The following RNF123 variants were observed in gnomAD, a reference collection of about 807,000 sequenced individuals.
The protein encoded by RNF123 is E3 ubiquitin-protein ligase RNF123.
A neutral mutation model predicts 168.5 loss-of-function variants in RNF123; 86 were observed. The observed-to-expected ratio is 0.51, with a 90% CI of 0.43 to 0.61. RNF123 has a LOEUF of 0.61. RNF123 is among the 20% of genes least tolerant of loss of function. The pLI, the probability that RNF123 is intolerant of heterozygous loss-of-function variation, is 0.00. For synonymous variants in RNF123, 666 were observed against 689.1 expected (o/e 0.97, Z 0.52); for missense variants, 1,419 against 1,729.7 (o/e 0.82, Z 3.19).
chr3:49,707,917 TTTTTTTAGTTA>T (rs1245281094), intron 26 of RNF123, among the ~76,000 whole-genome samples: 1 of 152,084 alleles, frequency 6.6e-6, no homozygotes, highest in Non-Finnish European at 1.5e-5. Flanking sequence ...TCTCTCTGCC[TTTTTTTAGTTA>T]TGCTAAAATA....
chr3:49,721,248 G>A lies in RNF123; in HGVS notation c.3888G>A (p.Val1296=), dbSNP rs772250566. The part of the protein sequence containing the change: ...KDCFFCKTTI[V]SVEDWEKGAN... ...GCTTCTTCTGCAAAACCACCATCGTGTCTGTAGAGGACTGGGAGAAGGGAG... is the reference window on the plus strand; with the variant it reads ...GCTTCTTCTGCAAAACCACCATCGTATCTGTAGAGGACTGGGAGAAGGGAG... The change falls in exon 39 of 39, where the codon GTG becomes GTA. Residue 1296 remains valine, a synonymous_variant. Coordinates refer to ENST00000327697, the MANE Select transcript of RNF123 (RefSeq NM_022064.5). 1.2e-6 allele frequency: 2 copies of A among 1,614,212 alleles called. No homozygotes were observed. Among genetic ancestry groups the A allele is most frequent in the Non-Finnish European group, 1.7e-6 (2 of 1,180,028 alleles).
chr3:49,691,043 C>G, intron 1 of RNF123, 87 bp from the exon 2 acceptor site: 1 of 776,282 alleles, frequency 1.3e-6, no homozygotes, highest in Non-Finnish European at 2.1e-6. Flanking sequence ...CTCACCTGCT[C>G]CCAAGCCTTC....
chr3:49,717,615 C>T (rs2080273845), intron 35 of RNF123: 1 of 397,690 alleles, frequency 2.5e-6, no homozygotes, highest in African/African-American at 2.0e-5. Context: ...GCCACTTCCA[C>T]AGCTGTGCTG....
At chr3:49,693,577 G>A (rs1368892250) in intron 3 of RNF123, among the ~76,000 whole-genome samples, 1 of 151,270 alleles carries the variant, frequency 6.6e-6, no homozygotes, top group Non-Finnish European at 1.5e-5. Context: ...GGCTGGTCTC[G>A]AACTCCTAGC....
At chr3:49,716,268 G>C in intron 34 of RNF123, 91 bp downstream of exon 34, 1 of 1,559,404 alleles carries the variant, frequency 6.4e-7, no homozygotes, top group Non-Finnish European at 8.8e-7. Context: ...TTCTGCCCCC[G>C]GACAGCCAGA....
chr3:49,719,679 C>A (rs960731645), intron 35 of RNF123: 4 of 552,998 alleles, frequency 7.2e-6, no homozygotes, highest in African/African-American at 1.9e-5. Flanking sequence ...CTTCGCTAGC[C>A]CTCTCCAAGC....
chr3:49,702,066 C>A lies in RNF123; in HGVS notation c.1496-17C>A. ...TCTCCTGGAGCCTGAGGGCCATGTT[C>A]CTCACCTGACCTCCAGTGGTGGAAG... On this transcript the variant is annotated splice_polypyrimidine_tract_variant and intron_variant, in intron 17 of 38. Coordinates refer to ENST00000327697, the MANE Select transcript of RNF123 (RefSeq NM_022064.5). The A allele has an allele frequency of 6.2e-7, 1 of 1,613,058 alleles. No individual in the cohort carries two copies. Among genetic ancestry groups the A allele is most frequent in the Non-Finnish European group, 8.5e-7 (1 of 1,179,370 alleles).
At position 49,718,878 on chromosome 3, in the gene RNF123, T is replaced by TC. The variant is rs1193612152; in HGVS notation, c.3501-1630dup. ...CGGCCAGCTCAGGTACGGAGATGTG[T>TC]CCCAGCCGGTTGGAGGAGAGGTCCA... On this transcript the variant is annotated intron_variant, in intron 35 of 38. Transcript: ENST00000327697. 1.9e-6 allele frequency: 3 copies of TC among 1,613,506 alleles called. No homozygotes were observed. In the Admixed American group the frequency reaches 5.0e-5, roughly 27 times the overall value.
intron 5 of RNF123, 43 bp from the exon 6 acceptor site, chr3:49,697,842 T>C (rs763963256): frequency 1.9e-6 from 3 of 1,612,722 alleles, no homozygotes; most frequent in East Asian, 2.2e-5. Flanking sequence ...GGAGATGCTC[T>C]GTGTGCCTGG....
chr3:49,712,482 A>G lies in RNF123; in HGVS notation c.2500A>G (p.Lys834Glu). Residue 834 changes from lysine to glutamate, a missense_variant, in exon 27 of 39, where the codon AAG becomes GAG. This residue lies in a region of RNF123 where 538 missense variants were observed against 708.8 expected (regional missense o/e 0.76). Transcript: ENST00000327697. ...GCACCCCGTGTGCCTCCTGCAGGAG[A>G]AGATGCTGGACATCTACTGGCTGCT... is the stretch of plus-strand genomic sequence containing the variant. ...WVHATVYSQE[K>E]MLDIYWLLRV... 3 of 1,613,980 alleles carry G rather than the reference A, an allele frequency of 1.9e-6. No homozygotes were observed. The African/African-American group carries it at 4.0e-5, about 22-fold the overall frequency.
chr3:49,698,902 G>A, intron 9 of RNF123, 78 bp from the exon 10 acceptor site: 2 of 1,607,336 alleles, frequency 1.2e-6, no homozygotes, highest in Non-Finnish European at 1.7e-6. Context: ...CCCTGTAAGG[G>A]GCCAGACTGA....
intron 35 of RNF123, chr3:49,718,074 G>A: frequency 6.2e-7 from 1 of 1,613,648 alleles, no homozygotes; most frequent in Non-Finnish European, 8.5e-7. Context: ...CGCGGCCATT[G>A]AGGCCCCTCC....
At chr3:49,694,275 A>G (rs943608634) in intron 3 of RNF123, among the ~76,000 whole-genome samples, 1 of 152,250 alleles carries the variant, frequency 6.6e-6, no homozygotes, top group African/African-American at 2.4e-5. Context: ...TAACATATAT[A>G]TAAAACCCGT....
intron 35 of RNF123, chr3:49,718,608 C>T (rs759328497): frequency 6.2e-7 from 1 of 1,613,014 alleles, no homozygotes; most frequent in South Asian, 1.1e-5. Context: ...CGTACAGGTG[C>T]TCTTCCGGCC....
At chr3:49,701,394 G>C in intron 15 of RNF123, 97 bp from the exon 16 acceptor site, 2 of 903,326 alleles carry the variant, frequency 2.2e-6, no homozygotes, top group African/African-American at 3.2e-5. Context: ...TGGGAGAGCT[G>C]TGGTAGGCAC....
intron 27 of RNF123, 106 bp from the exon 28 acceptor site, chr3:49,713,407 G>A: frequency 9.0e-7 from 1 of 1,116,142 alleles, no homozygotes; most frequent in East Asian, 2.6e-5. Flanking sequence ...GGCTGGCCTT[G>A]GGAGCCAGCT....
intron 3 of RNF123, among the ~76,000 whole-genome samples, chr3:49,693,241 G>A (rs2054203548): frequency 6.6e-6 from 1 of 151,456 alleles, no homozygotes; most frequent in Non-Finnish European, 1.5e-5. Flanking sequence ...GTAGAGACGG[G>A]GTTTCACCGT....
chr3:49,708,459 C>G (rs1210575602), intron 26 of RNF123, among the ~76,000 whole-genome samples: 1 of 152,218 alleles, frequency 6.6e-6, no homozygotes, highest in African/African-American at 2.4e-5. Context: ...GCTGGGGGAG[C>G]AGTGGTTCTG....
In RNF123 at chr3:49,697,369, T is replaced by C; in HGVS notation, c.254T>C (p.Val85Ala). The C allele has an allele frequency of 6.2e-7, 1 of 1,607,836 alleles. No individual in the cohort carries two copies. Among genetic ancestry groups the C allele is most frequent in the Non-Finnish European group, 8.5e-7 (1 of 1,176,084 alleles). Residue 85 changes from valine to alanine, a missense_variant, in exon 5 of 39, where the codon GTT becomes GCT. Physicochemically the swap from Val to Ala is moderately conservative, Grantham distance 64. Coordinates refer to ENST00000327697, the MANE Select transcript of RNF123 (RefSeq NM_022064.5). ...DNEEEESQGQ[V>A]EGRLGPSTVV... is the part of the protein sequence containing the mutation. ...CCACCTCTCCTCTTTTCAGGACAGGTTGAAGGGCGGCTTGGCCCATCCACT... is the reference window on the plus strand; with the variant it reads ...CCACCTCTCCTCTTTTCAGGACAGGCTGAAGGGCGGCTTGGCCCATCCACT...
Sources: gnomAD v4.1 joint callset for allele counts (sites outside exome capture counted in the v4.1 genomes callset) on GRCh38, gnomAD v4.1.1 for gene constraint, gnomAD v4.1.1 regional missense constraint, MANE v1.5 for transcripts, NCBI Gene and HGNC (gene_info 2026-07-23, HGNC 2026-07-21) for gene names.